UVRAG: variants seen among roughly 807,000 people sequenced by gnomAD.
UVRAG encodes the protein UV radiation resistance associated.
Under a neutral mutation model 78.0 loss-of-function variants are expected in UVRAG, and 19 were observed. That is an observed-to-expected ratio of 0.24 (90% CI 0.17 to 0.36). UVRAG has a LOEUF of 0.36. UVRAG is among the 10% of genes least tolerant of loss of function. UVRAG has a pLI of 1.00. For synonymous variants in UVRAG, 323 were observed against 324.6 expected (o/e 1.00, Z 0.05); for missense variants, 740 against 853.8 (o/e 0.87, Z 1.66).
chr11:76,136,214 T>G (rs1302216277), intron 14 of UVRAG, among the ~76,000 whole-genome samples: 1 of 152,186 alleles, frequency 6.6e-6, no homozygotes, highest in Non-Finnish European at 1.5e-5. Flanking sequence ...AAAATATGAA[T>G]GAAGGGTCTT....
intron 2 of UVRAG, among the ~76,000 whole-genome samples, chr11:75,860,598 T>A (rs1946396376): frequency 6.6e-6 from 1 of 152,208 alleles, no homozygotes; most frequent in African/African-American, 2.4e-5. Context: ...GTATTGTCAG[T>A]TAATGGTTGG....
chr11:75,926,123 C>G (rs1948097937), intron 6 of UVRAG, among the ~76,000 whole-genome samples: 1 of 152,060 alleles, frequency 6.6e-6, no homozygotes, highest in African/African-American at 2.4e-5. Context: ...GGAGACTTTC[C>G]TAATAGGCTT....
intron 8 of UVRAG, among the ~76,000 whole-genome samples, chr11:75,993,705 A>G (rs1347538883): frequency 6.6e-6 from 1 of 152,190 alleles, no homozygotes; most frequent in Non-Finnish European, 1.5e-5. Flanking sequence ...TTCTTATTGT[A>G]TTAGTCCATT....
At chr11:76,094,778 A>G (rs1274078858) in intron 13 of UVRAG, among the ~76,000 whole-genome samples, 1 of 151,832 alleles carries the variant, frequency 6.6e-6, no homozygotes, top group Non-Finnish European at 1.5e-5. Context: ...TTTGTTTTTA[A>G]GAGGAAAGAA....
chr11:76,034,510 T>C (rs1263284141), intron 12 of UVRAG, among the ~76,000 whole-genome samples: 1 of 152,196 alleles, frequency 6.6e-6, no homozygotes. Context: ...CATTATTTTA[T>C]TTAACGTTTT....
intron 9 of UVRAG, among the ~76,000 whole-genome samples, chr11:76,006,383 G>A (rs919518577): frequency 1.3e-5 from 2 of 152,080 alleles, no homozygotes; most frequent in Non-Finnish European, 1.5e-5. Context: ...GCTGGTGCCA[G>A]GCAAGGTGTC....
intron 2 of UVRAG, among the ~76,000 whole-genome samples, chr11:75,857,903 T>G (rs900273263): frequency 2.0e-5 from 3 of 152,028 alleles, no homozygotes; most frequent in Non-Finnish European, 4.4e-5. Flanking sequence ...TTGTGATTAT[T>G]CTCCTCTGTC....
intron 13 of UVRAG, among the ~76,000 whole-genome samples, chr11:76,111,406 G>A (rs1952064746): frequency 6.6e-6 from 1 of 152,066 alleles, no homozygotes; most frequent in African/African-American, 2.4e-5. Context: ...AATACTCCCA[G>A]TTCACTTTTC....
intron 14 of UVRAG, among the ~76,000 whole-genome samples, 153 bp from the exon 15 acceptor site, chr11:76,140,558 C>T (rs1952697926): frequency 6.6e-6 from 1 of 152,082 alleles, no homozygotes; most frequent in Non-Finnish European, 1.5e-5. Flanking sequence ...TTGTTTTTTG[C>T]ATTGAGACAC....
In UVRAG at chr11:76,103,853, AT is replaced by A. The variant is rs571850971; in HGVS notation, c.1306-12067del. On this transcript the variant is annotated intron_variant, in intron 13 of 14. Coordinates refer to ENST00000356136, the MANE Select transcript of UVRAG (RefSeq NM_003369.4). Reference sequence around the variant, plus strand: ...TGTAGGGATTAACTTAGAAACAACGATTTTAAAAGACTAAATATGTATAGCT... The same window carrying A: ...TGTAGGGATTAACTTAGAAACAACGATTTAAAAGACTAAATATGTATAGCT... 5.3e-5 allele frequency among the ~76,000 whole-genome samples: 8 copies of A among 152,180 alleles called. No individual in the cohort carries two copies. The East Asian group carries it at 1.5e-3, about 29-fold the overall frequency.
At chr11:76,093,387 C>G (rs1312758297) in intron 13 of UVRAG, among the ~76,000 whole-genome samples, 3 of 152,142 alleles carry the variant, frequency 2.0e-5, no homozygotes, top group African/African-American at 7.2e-5. Context: ...TTGTCCAATT[C>G]TGTGAAGAAA....
At chr11:75,948,733 C>T (rs1054093895) in intron 6 of UVRAG, among the ~76,000 whole-genome samples, 6 of 152,018 alleles carry the variant, frequency 3.9e-5, no homozygotes, top group Non-Finnish European at 7.4e-5. Flanking sequence ...CCCATAGATA[C>T]ATAATGAAAG....
chr11:76,091,366 G>A lies in UVRAG; in HGVS notation c.1306-24558G>A, dbSNP rs147009697. ...CAGACTGATAAGTCTGTTTTTATCTGTTGTGCTCGGCACTCAATGGATCTT... is the reference window on the plus strand; with the variant it reads ...CAGACTGATAAGTCTGTTTTTATCTATTGTGCTCGGCACTCAATGGATCTT... On this transcript the variant is annotated intron_variant, in intron 13 of 14. Transcript: ENST00000356136. 4.4e-3 allele frequency among the ~76,000 whole-genome samples: 666 copies of A among 152,210 alleles called. 5 individuals are homozygous for A. The highest frequency in any genetic ancestry group is 0.015 in the African/African-American group (643 of 41,546).
chr11:75,974,795 A>G (rs1206862509), intron 7 of UVRAG, among the ~76,000 whole-genome samples: 1 of 152,196 alleles, frequency 6.6e-6, no homozygotes, highest in Non-Finnish European at 1.5e-5. Flanking sequence ...TCAGATGAGT[A>G]GATTGCAAAA....
At chr11:75,910,575 A>T (rs1947713772) in intron 5 of UVRAG, among the ~76,000 whole-genome samples, 1 of 133,898 alleles carries the variant, frequency 7.5e-6, no homozygotes, top group Admixed American at 8.7e-5. Flanking sequence ...TTGCTCTTTC[A>T]CTCAGGCTGG....
intron 7 of UVRAG, among the ~76,000 whole-genome samples, chr11:75,970,490 T>C (rs1031378102): frequency 2.6e-5 from 4 of 152,148 alleles, no homozygotes; most frequent in East Asian, 3.9e-4. Context: ...CCCAGCACTT[T>C]GGGAGGCCGA....
chr11:75,999,595 G>A (rs1169817186), intron 8 of UVRAG, among the ~76,000 whole-genome samples: 1 of 151,992 alleles, frequency 6.6e-6, no homozygotes, highest in African/African-American at 2.4e-5. Context: ...TGGTCAGGCT[G>A]GTCTCGAACT....
chr11:75,898,433 C>G (rs1025359339), intron 5 of UVRAG, among the ~76,000 whole-genome samples: 9 of 152,244 alleles, frequency 5.9e-5, no homozygotes, highest in African/African-American at 2.2e-4. Flanking sequence ...CTATCTCTCT[C>G]TCTTTCTAGA....
rs1357944073 is a variant in UVRAG at position 76,102,803 on chromosome 11, C to G, written c.1306-13121C>G. 2.0e-5 allele frequency among the ~76,000 whole-genome samples: 3 copies of G among 152,104 alleles called. No individual in the cohort carries two copies. The East Asian group carries it at 5.8e-4, about 29-fold the overall frequency. On this transcript the variant is annotated intron_variant, in intron 13 of 14. Transcript: ENST00000356136. ...AGGGATGTTGAATTTTATCAAAAGC[C>G]TTTTCTGCAACATCCATTTTTATCT...
Sources: allele counts gnomAD v4.1 joint callset (sites outside exome capture counted in the v4.1 genomes callset), GRCh38; gene constraint gnomAD v4.1.1; transcripts MANE v1.5; gene names NCBI Gene and HGNC (gene_info 2026-07-23, HGNC 2026-07-21).